FAM135A: variants seen among roughly 807,000 people sequenced by gnomAD.
FAM135A encodes family with sequence similarity 135 member A.
FAM135A carries 79 observed loss-of-function variants against 146.8 expected under a neutral mutation model. That is an observed-to-expected ratio of 0.54 (90% confidence interval 0.45 to 0.65). The LOEUF is 0.65. Ranked by LOEUF, FAM135A falls within the 30% of genes least tolerant of loss-of-function variation. FAM135A has a pLI of 0.00. For synonymous variants in FAM135A, 562 were observed against 603.6 expected, an observed-to-expected ratio of 0.93 and a Z score of 1.01; for missense variants, 1,623 against 1,758.2, an observed-to-expected ratio of 0.92 and a Z score of 1.38.
chr6:70,519,106 A>G (rs1032205267), intron 12 of FAM135A, among the ~76,000 whole-genome samples: 4 of 152,240 alleles, frequency 2.6e-5, no homozygotes, highest in African/African-American at 7.2e-5. Flanking sequence ...AAGGAGGTCA[A>G]AATATCAACA....
rs572216875 is a variant in FAM135A, at chr6:70,559,314, G to T, written c.4343-402G>T. On this transcript the variant is annotated intron_variant, in intron 21 of 21. Coordinates refer to ENST00000418814, the MANE Select transcript of FAM135A (RefSeq NM_001162529.3). ...AAATTAACTGGGTGTGGTGGTGCATGCCTGTAATCCCAGCTACTCAGGAGG... is the reference window on the plus strand; with the variant it reads ...AAATTAACTGGGTGTGGTGGTGCATTCCTGTAATCCCAGCTACTCAGGAGG... 6.3e-4 allele frequency among the ~76,000 whole-genome samples: 96 copies of T among 152,120 alleles called. 1 individual carries two copies. Among genetic ancestry groups the T allele is most frequent in the Middle Eastern group, 3.4e-3 (1 of 294 alleles).
Position 70,526,802 on chromosome 6 carries a change from C to CACACACAT in FAM135A, c.3614+105_3614+106insCACACATA, listed in dbSNP as rs1554161866. On this transcript the variant is annotated intron_variant, in intron 15 of 21. Transcript: ENST00000418814. The stretch of plus-strand genomic sequence containing the variant: ...ACACACACACACACACACACACACA[C>CACACACAT]ATATATATATAAAATCATAGATAGT... The CACACACAT allele has an allele frequency of 7.6e-4, 399 of 528,114 alleles. 7 individuals carry two copies. The highest frequency in any genetic ancestry group is 6.9e-3 in the African/African-American group (301 of 43,940). 32.7% of individuals were successfully genotyped at this position (528,114 alleles called of 1,614,324 possible).
At chr6:70,509,488 A>G (rs1561939597) in intron 12 of FAM135A, among the ~76,000 whole-genome samples, 1 of 152,164 alleles carries the variant, frequency 6.6e-6, no homozygotes, top group South Asian at 2.1e-4. Flanking sequence ...CTAAAAATTG[A>G]AAGGAGACCT....
chr6:70,466,586 G>A lies in FAM135A; in HGVS notation c.158-8824G>A, dbSNP rs113317674. Among the ~76,000 whole-genome samples the A allele has an allele frequency of 5.5e-3, 843 of 152,304 alleles. 5 individuals are homozygous for A. Among genetic ancestry groups the A allele is most frequent in the African/African-American group, 0.019 (792 of 41,580 alleles). ...GTGGGCAAGGTCAAGAGTGAATTGT[G>A]TAAAACAGAGTTTACCACTTTCAGG... On this transcript the variant is annotated intron_variant, in intron 5 of 21. Coordinates refer to ENST00000418814, the MANE Select transcript of FAM135A (RefSeq NM_001162529.3).
At chr6:70,515,256 C>T (rs545366410) in intron 12 of FAM135A, among the ~76,000 whole-genome samples, 4 of 152,118 alleles carry the variant, frequency 2.6e-5, no homozygotes, top group African/African-American at 4.8e-5. Flanking sequence ...GCTATCACAC[C>T]GCTTGGTGTT....
At chr6:70,488,067 T>C (rs188058629) in intron 10 of FAM135A, among the ~76,000 whole-genome samples, 1 of 152,100 alleles carries the variant, frequency 6.6e-6, no homozygotes, top group Admixed American at 6.6e-5. Context: ...TGACCTAGCA[T>C]CCCCACTTCT....
At position 70,556,835 on chromosome 6, in the gene FAM135A, T is replaced by TG; in HGVS notation, c.4314_4315insG (p.Lys1439GlufsTer31). Reference sequence around the variant, plus strand: ...ATCACTCTGCCCGCATTGAAATGTGTAAAACAGCTTTAAAGGACAAACAGT... The same window carrying TG: ...ATCACTCTGCCCGCATTGAAATGTGTGAAAACAGCTTTAAAGGACAAACAGT... On this transcript the variant is annotated frameshift_variant, in exon 21 of 22. Transcript: ENST00000418814. LOFTEE classifies it high-confidence loss of function. 5 of 1,613,870 alleles carry TG rather than the reference T, an allele frequency of 3.1e-6. No homozygotes were observed. The highest frequency in any genetic ancestry group is 4.2e-6 in the Non-Finnish European group (5 of 1,179,954).
chr6:70,445,091 A>G (rs569821670), intron 4 of FAM135A, among the ~76,000 whole-genome samples: 3 of 152,298 alleles, frequency 2.0e-5, no homozygotes, highest in East Asian at 1.9e-4. Flanking sequence ...AGATACTATC[A>G]TGGTGCTAAT....
intron 18 of FAM135A, among the ~76,000 whole-genome samples, chr6:70,534,246 ATG>A (rs1561996124): frequency 2.0e-5 from 1 of 50,660 alleles, no homozygotes; most frequent in African/African-American, 1.5e-4. Context: ...AGTTACATAT[ATG>A]TATATGATAT....
At chr6:70,537,475 A>G (rs939695543) in intron 19 of FAM135A, among the ~76,000 whole-genome samples, 1 of 152,212 alleles carries the variant, frequency 6.6e-6, no homozygotes, top group Non-Finnish European at 1.5e-5. Context: ...AGACTTCTAC[A>G]GTTTGAAAAA....
chr6:70,458,246 G>T (rs566275485), intron 5 of FAM135A, among the ~76,000 whole-genome samples: 1 of 152,072 alleles, frequency 6.6e-6, no homozygotes, highest in Non-Finnish European at 1.5e-5. Context: ...GAAGAAGAAA[G>T]AAATACATAA....
rs1796787391 is a variant in FAM135A, at chr6:70,536,314, A to G, written c.4020A>G (p.Pro1340=). The change falls in exon 19 of 22, where the codon CCA becomes CCG. Residue 1340 remains proline, a synonymous_variant. Coordinates refer to ENST00000418814, the MANE Select transcript of FAM135A (RefSeq NM_001162529.3). ...NLIIRSVLTR[P]RFKYYLNKLH... ...TAATTCGTTCAGTGCTTACAAGGCCAAGGTTTAAATATTACCTCAACAAAC... is the reference window on the plus strand; with the variant it reads ...TAATTCGTTCAGTGCTTACAAGGCCGAGGTTTAAATATTACCTCAACAAAC... The G allele has an allele frequency of 2.5e-6, 4 of 1,613,404 alleles. No homozygotes were observed. Among genetic ancestry groups the G allele is most frequent in the Non-Finnish European group, 3.4e-6 (4 of 1,179,670 alleles).
chr6:70,452,942 CA>C (rs1201427567), intron 5 of FAM135A, among the ~76,000 whole-genome samples: 1 of 151,972 alleles, frequency 6.6e-6, no homozygotes, highest in African/African-American at 2.4e-5. Flanking sequence ...ATTTTGAGGA[CA>C]TTTTTTAAAC....
intron 11 of FAM135A, among the ~76,000 whole-genome samples, chr6:70,501,253 G>A (rs1788428271): frequency 6.8e-6 from 1 of 147,782 alleles, no homozygotes; most frequent in African/African-American, 2.4e-5. Flanking sequence ...GCGCTGTGGT[G>A]AGTTCTGCCC....
intron 11 of FAM135A, among the ~76,000 whole-genome samples, chr6:70,494,923 A>G (rs1047423669): frequency 1.3e-5 from 2 of 152,200 alleles, no homozygotes; most frequent in Non-Finnish European, 2.9e-5. Flanking sequence ...ATACAGTGCT[A>G]TTTAATTACT....
chr6:70,559,760 C>T lies in FAM135A; in HGVS notation c.4387C>T (p.Leu1463=), dbSNP rs777663465. The change falls in exon 22 of 22, where the codon CTG becomes TTG. Residue 1463 remains leucine, a synonymous_variant. Transcript: ENST00000418814. ...EMIHNLLRPV[L]QSKDCNLVRY... is the part of the protein sequence containing the mutation. ...GATCCACAACTTGCTTCGACCCGTT[C>T]TGCAAAGCAAGGACTGTAATTTGGT... 2.2e-5 allele frequency: 35 copies of T among 1,613,982 alleles called. No individual in the cohort carries two copies. The highest frequency in any genetic ancestry group is 4.0e-5 in the African/African-American group (3 of 74,930).
At chr6:70,425,538 C>T (rs1769874235) in intron 2 of FAM135A, among the ~76,000 whole-genome samples, 1 of 152,096 alleles carries the variant, frequency 6.6e-6, no homozygotes, top group African/African-American at 2.4e-5. Flanking sequence ...AGAAGAAAAA[C>T]TCTGTATCAA....
Position 70,441,311 on chromosome 6 carries a change from C to G in FAM135A, c.78-11181C>G, listed in dbSNP as rs374481378. ...GCTGAGATGGGAGAATTGCTTGAGA[C>G]TCAGAGGTGGAGGTTGCTGTAAGCT... On this transcript the variant is annotated intron_variant, in intron 4 of 21. Coordinates refer to ENST00000418814, the MANE Select transcript of FAM135A (RefSeq NM_001162529.3). Among the ~76,000 whole-genome samples the G allele has an allele frequency of 2.2e-4, 33 of 152,234 alleles. 1 individual carries two copies. The East Asian group carries it at 5.8e-3, about 27-fold the overall frequency.
chr6:70,520,302 A>G (rs1050672304), intron 12 of FAM135A, among the ~76,000 whole-genome samples: 3 of 152,196 alleles, frequency 2.0e-5, no homozygotes, highest in Admixed American at 2.0e-4. Flanking sequence ...GAGTTAGTGC[A>G]AGGACGTAAA....
Sources: gnomAD v4.1 joint callset for allele counts (sites outside exome capture counted in the v4.1 genomes callset) on GRCh38, gnomAD v4.1.1 for gene constraint, MANE v1.5 for transcripts, NCBI Gene and HGNC (gene_info 2026-07-23, HGNC 2026-07-21) for gene names.